Variants in NUP98 observed in about 807,000 individuals in gnomAD.
NUP98 encodes nuclear pore complex protein Nup98-Nup96.
In NUP98, 26 loss-of-function variants were observed where a neutral mutation model predicts 191.9. That is an observed-to-expected ratio of 0.14 (90% confidence interval 0.10 to 0.19). The LOEUF (loss-of-function observed/expected upper bound fraction) is 0.19, where lower values mean the gene tolerates loss of function less well. Among genes scored for constraint, NUP98 ranks in the 10% least tolerant of loss-of-function variants. The pLI is 1.00. For missense variants in NUP98, 1,941 were observed against 2,178.8 expected (o/e 0.89, Z 2.17); for synonymous variants, 808 against 778.4 (o/e 1.04, Z -0.63).
chr11:3,751,920 G>C (rs554784412), intron 11 of NUP98, among the ~76,000 whole-genome samples: 54 of 152,084 alleles, frequency 3.6e-4, no homozygotes, highest in African/African-American at 1.1e-3. Flanking sequence ...GCTCATGTCT[G>C]TAATCCCAGC....
Position 3,699,070 on chromosome 11 carries a change from T to G in NUP98, c.4009+12A>C. ...GACAGAGGCGCAGAGAAGGACCATA[T>G]GCCTTCCCCACCTGACTGCTGGGCC... On this transcript the variant is annotated intron_variant, in intron 25 of 32. Coordinates refer to ENST00000324932, the MANE Select transcript of NUP98 (RefSeq NM_016320.5). 1.2e-6 allele frequency: 2 copies of G among 1,611,754 alleles called. No homozygotes were observed. Among genetic ancestry groups the G allele is most frequent in the African/African-American group, 2.7e-5 (2 of 74,942 alleles).
intron 26 of NUP98, 83 bp from the exon 27 acceptor site, chr11:3,693,458 C>CTTCAGTG: frequency 1.5e-6 from 2 of 1,342,120 alleles, no homozygotes; most frequent in Non-Finnish European, 2.1e-6. Flanking sequence ...TGAATATTCA[C>CTTCAGTG]TTATTCAAGG....
Position 3,753,299 on chromosome 11 carries a change from T to C in NUP98, c.1267+17A>G. 4.4e-6 allele frequency: 7 copies of C among 1,596,064 alleles called. No individual in the cohort carries two copies. Among genetic ancestry groups the C allele is most frequent in the Non-Finnish European group, 6.0e-6 (7 of 1,163,656 alleles). ...AAGCTGTGTCACTTCCTAGATCTCATGGTAGCAGTTTCTTACCTGTTCCAA... is the reference window on the plus strand; with the variant it reads ...AAGCTGTGTCACTTCCTAGATCTCACGGTAGCAGTTTCTTACCTGTTCCAA... On this transcript the variant is annotated intron_variant, in intron 11 of 32. Transcript: ENST00000324932.
Position 3,774,697 on chromosome 11 carries a change from ACT to A in NUP98, c.496-960_496-959del, listed in dbSNP as rs1175400783. 2.3e-3 allele frequency among the ~76,000 whole-genome samples: 351 copies of A among 151,458 alleles called. 1 individual carries two copies. Among genetic ancestry groups the A allele is most frequent in the African/African-American group, 7.5e-3 (308 of 41,238 alleles). ...GCACCACTGCGCTCCCGTCTGGCTG[ACT>A]CTGTCTCCAAAAAAAAAAAAGAAAT... On this transcript the variant is annotated intron_variant, in intron 5 of 32. Coordinates refer to ENST00000324932, the MANE Select transcript of NUP98 (RefSeq NM_016320.5).
intron 1 of NUP98, among the ~76,000 whole-genome samples, chr11:3,791,070 T>C (rs1290143028): frequency 6.6e-6 from 1 of 151,922 alleles, no homozygotes; most frequent in Non-Finnish European, 1.5e-5. Flanking sequence ...TAATTTTTTG[T>C]ATTTTTAGTA....
intron 10 of NUP98, among the ~76,000 whole-genome samples, chr11:3,758,793 G>A (rs1248610890): frequency 6.7e-6 from 1 of 149,338 alleles, no homozygotes; most frequent in Non-Finnish European, 1.5e-5. Flanking sequence ...GAGAGACAGA[G>A]AGACAGAGAC....
At chr11:3,701,467 G>C (rs954550437) in intron 23 of NUP98, among the ~76,000 whole-genome samples, 1 of 151,726 alleles carries the variant, frequency 6.6e-6, no homozygotes, top group Non-Finnish European at 1.5e-5. Context: ...TTACCATGTT[G>C]GCCAGGCTGG....
intron 9 of NUP98, among the ~76,000 whole-genome samples, chr11:3,761,565 C>A (rs1249590489): frequency 6.6e-6 from 1 of 152,174 alleles, no homozygotes; most frequent in Non-Finnish European, 1.5e-5. Flanking sequence ...CGAGACCAGC[C>A]TGGCCACCAT....
intron 2 of NUP98, among the ~76,000 whole-genome samples, chr11:3,779,803 T>A (rs1589955023): frequency 6.6e-6 from 1 of 151,872 alleles, no homozygotes; most frequent in African/African-American, 2.4e-5. Context: ...GGAGTGACTT[T>A]TCAATAAAAG....
In NUP98 at chr11:3,743,219, G is replaced by A. The variant is rs992817721; in HGVS notation, c.1408+1290C>T. Among the ~76,000 whole-genome samples, 117 of 151,308 alleles carry A rather than the reference G, an allele frequency of 7.7e-4. 1 individual carries two copies. Among genetic ancestry groups the A allele is most frequent in the Admixed American group, 1.7e-3 (26 of 15,210 alleles). ...TTTTTAATAGAGATGGGGTTTCACC[G>A]TGTTGGCCAGGCTGGTCTCAAACTC... On this transcript the variant is annotated intron_variant, in intron 12 of 32. Coordinates refer to ENST00000324932, the MANE Select transcript of NUP98 (RefSeq NM_016320.5).
intron 6 of NUP98, among the ~76,000 whole-genome samples, chr11:3,772,332 C>A (rs1316026605): frequency 6.6e-6 from 1 of 152,162 alleles, no homozygotes; most frequent in Non-Finnish European, 1.5e-5. Flanking sequence ...TCAATTTTGT[C>A]TCAAGTCCGG....
rs201719696 is a variant in NUP98 at position 3,779,072 on chromosome 11, A to G, written c.179-23T>C. The G allele has an allele frequency of 3.1e-6, 5 of 1,613,962 alleles. No individual in the cohort carries two copies. The African/African-American group carries it at 5.3e-5, about 17-fold the overall frequency. On this transcript the variant is annotated intron_variant, in intron 3 of 32. Coordinates refer to ENST00000324932, the MANE Select transcript of NUP98 (RefSeq NM_016320.5). ...CTCCTGAGGAGATGGAGAAGGAGGG[A>G]AAAAGTTAAGTACATCAGAGCCACT...
intron 25 of NUP98, among the ~76,000 whole-genome samples, chr11:3,696,145 C>T (rs983382687): frequency 1.3e-5 from 2 of 152,034 alleles, no homozygotes; most frequent in African/African-American, 2.4e-5. Context: ...GAGCCAAGAT[C>T]GCACCATTGC....
chr11:3,768,557 G>GT (rs772170208), intron 8 of NUP98, 24 bp downstream of exon 8: 22 of 1,511,142 alleles, frequency 1.5e-5, no homozygotes, highest in Non-Finnish European at 1.9e-5. Flanking sequence ...AGACATGGAG[G>GT]TAAGTAAGGG....
rs546285537 is a variant in NUP98 at position 3,686,249 on chromosome 11, A to G, written c.4455-55T>C. 38 of 1,479,892 alleles carry G rather than the reference A, an allele frequency of 2.6e-5. No homozygotes were observed. In the East Asian group the frequency reaches 7.3e-4, roughly 28 times the overall value. The allele number at this position is 1,479,892 out of a possible 1,614,324, so 91.7% of individuals were successfully genotyped here. A position where few individuals can be genotyped will look rare whatever the true frequency, so the allele number is the denominator to read the frequency against. ...CACAGCCAGGAGACGGCCTGGACTG[A>G]TATGTCAACTGTTCTGCTTATGTCT... On this transcript the variant is annotated intron_variant, in intron 28 of 32. Coordinates refer to ENST00000324932, the MANE Select transcript of NUP98 (RefSeq NM_016320.5).
At chr11:3,702,959 A>G in intron 22 of NUP98, 67 bp from the exon 23 acceptor site, 1 of 1,308,632 alleles carries the variant, frequency 7.6e-7, no homozygotes, top group Non-Finnish European at 1.1e-6. Context: ...TTCTTGAACA[A>G]TAACAAAAAT....
At chr11:3,717,129 G>A (rs959847281) in intron 18 of NUP98, among the ~76,000 whole-genome samples, 1 of 152,090 alleles carries the variant, frequency 6.6e-6, no homozygotes, top group African/African-American at 2.4e-5. Context: ...GGAGTAGCTG[G>A]GATTACAGGT....
chr11:3,694,772 G>A (rs1254647100), intron 26 of NUP98, among the ~76,000 whole-genome samples: 1 of 151,818 alleles, frequency 6.6e-6, no homozygotes, highest in African/African-American at 2.4e-5. Context: ...CTGCAGGGCT[G>A]ATGCAGTGGC....
At chr11:3,715,480 G>A (rs1393244152) in intron 18 of NUP98, among the ~76,000 whole-genome samples, 2 of 151,634 alleles carry the variant, frequency 1.3e-5, no homozygotes, top group Non-Finnish European at 2.9e-5. Context: ...GTATCTCATT[G>A]TAGTTTGATT....
Sources: gnomAD v4.1 joint callset for allele counts (sites outside exome capture counted in the v4.1 genomes callset) on GRCh38, gnomAD v4.1.1 for gene constraint, MANE v1.5 for transcripts, NCBI Gene and HGNC (gene_info 2026-07-23, HGNC 2026-07-21) for gene names.